The following PHF24 variants were observed in gnomAD, a reference collection of about 807,000 sequenced individuals.
PHF24 encodes Galpha inhibitory interacting protein.
A neutral mutation model predicts 42.6 loss-of-function variants in PHF24; 25 were observed. That is an observed-to-expected ratio of 0.59 (90% confidence interval 0.43 to 0.82). The LOEUF (loss-of-function observed/expected upper bound fraction) is 0.82, where lower values mean the gene tolerates loss of function less well. Among genes scored for constraint, PHF24 ranks in the 40% least tolerant of loss-of-function variants. PHF24 has a pLI of 0.00. For synonymous variants in PHF24, 185 were observed against 204.8 expected, an observed-to-expected ratio of 0.90 and a Z score of 0.83; for missense variants, 470 against 538.1, an observed-to-expected ratio of 0.87 and a Z score of 1.25.
chr9:34,721,767 G>T, the PHF24 span, among the ~76,000 whole-genome samples: 2 of 152,090 alleles, frequency 1.3e-5, no homozygotes, highest in Non-Finnish European at 2.9e-5. Flanking sequence ...ATTCACCTGA[G>T]GCTGCTCCTG....
chr9:34,696,159 C>T, the PHF24 span, among the ~76,000 whole-genome samples: 1 of 151,972 alleles, frequency 6.6e-6, no homozygotes, highest in Admixed American at 6.6e-5. Flanking sequence ...ACCTCACTGG[C>T]CATTTCTGAT....
chr9:34,720,472 C>CA, the PHF24 span, among the ~76,000 whole-genome samples: 1 of 141,388 alleles, frequency 7.1e-6, no homozygotes, highest in Non-Finnish European at 1.5e-5. Context: ...CAAAACAAAA[C>CA]AAAAAACATG....
chr9:34,713,812 C>T, the PHF24 span, among the ~76,000 whole-genome samples: 1 of 152,074 alleles, frequency 6.6e-6, no homozygotes, highest in East Asian at 1.9e-4. Flanking sequence ...CATCTGGTTT[C>T]CAGAGTGCTA....
the PHF24 span, among the ~76,000 whole-genome samples, chr9:34,715,549 C>T: frequency 1.3e-5 from 2 of 152,160 alleles, no homozygotes; most frequent in Non-Finnish European, 2.9e-5. Context: ...TGTGGGTCTC[C>T]ACCTACAGTT....
At chr9:34,936,741 A>C in the PHF24 span, among the ~76,000 whole-genome samples, 5 of 138,814 alleles carry the variant, frequency 3.6e-5, no homozygotes, top group Admixed American at 2.8e-4. Flanking sequence ...GGATGTGAGG[A>C]GCACCTCTGC....
At chr9:34,911,278 A>C in the PHF24 span, among the ~76,000 whole-genome samples, 1 of 151,784 alleles carries the variant, frequency 6.6e-6, no homozygotes, top group South Asian at 2.1e-4. Context: ...CTTTTGAGAC[A>C]GAGTCTCTCT....
the PHF24 span, among the ~76,000 whole-genome samples, chr9:34,754,749 T>TA: frequency 6.6e-6 from 1 of 152,148 alleles, no homozygotes; most frequent in Non-Finnish European, 1.5e-5. Context: ...GAGGTACCTG[T>TA]ACTCCCGTTT....
At chr9:34,846,052 A>T in the PHF24 span, among the ~76,000 whole-genome samples, 2 of 152,144 alleles carry the variant, frequency 1.3e-5, no homozygotes, top group African/African-American at 4.8e-5. Context: ...TAGTGCTGCA[A>T]TAAACATACG....
the PHF24 span, chr9:34,835,286 A>G: frequency 1.3e-6 from 2 of 1,552,010 alleles, no homozygotes. Flanking sequence ...ATTCAGGTTG[A>G]AAGAAACTGG....
chr9:34,700,887 C>T, the PHF24 span, among the ~76,000 whole-genome samples: 1 of 152,222 alleles, frequency 6.6e-6, no homozygotes, highest in South Asian at 2.1e-4. Flanking sequence ...GACACAGGCC[C>T]GGTGTGTGAA....
chr9:34,861,918 A>C, the PHF24 span, among the ~76,000 whole-genome samples: 1 of 152,228 alleles, frequency 6.6e-6, no homozygotes, highest in Non-Finnish European at 1.5e-5. Context: ...GTCTTAGACT[A>C]TTCAGGCTGC....
the PHF24 span, among the ~76,000 whole-genome samples, chr9:34,759,294 A>C: frequency 6.6e-6 from 1 of 152,154 alleles, no homozygotes; most frequent in African/African-American, 2.4e-5. Flanking sequence ...AATCCATAGA[A>C]TTGTTCAAAC....
At chr9:34,740,389 G>T in the PHF24 span, among the ~76,000 whole-genome samples, 1 of 152,368 alleles carries the variant, frequency 6.6e-6, no homozygotes, top group South Asian at 2.1e-4. Flanking sequence ...CTGCGGGAAG[G>T]CAGCTAAGGC....
chr9:34,837,799 T>C, the PHF24 span: 3 of 774,242 alleles, frequency 3.9e-6, no homozygotes, highest in Non-Finnish European at 6.6e-6. Context: ...TTTCTATATA[T>C]CTATCTGTAT....
the PHF24 span, among the ~76,000 whole-genome samples, chr9:34,897,872 T>C: frequency 2.6e-5 from 4 of 152,212 alleles, no homozygotes; most frequent in South Asian, 2.1e-4. Flanking sequence ...ATCATTCTTA[T>C]GCCTTTTCAT....
chr9:34,842,210 T>C, the PHF24 span, among the ~76,000 whole-genome samples: 1 of 152,248 alleles, frequency 6.6e-6, no homozygotes, highest in Non-Finnish European at 1.5e-5. Flanking sequence ...TATGCATATA[T>C]AACAATTTGT....
At chr9:34,941,314 G>A in the PHF24 span, among the ~76,000 whole-genome samples, 2 of 152,198 alleles carry the variant, frequency 1.3e-5, no homozygotes, top group Non-Finnish European at 2.9e-5. Context: ...ATGATGCTAT[G>A]TGTGATGTGG....
chr9:34,879,603 A>T, the PHF24 span, among the ~76,000 whole-genome samples: 1 of 152,250 alleles, frequency 6.6e-6, no homozygotes, highest in African/African-American at 2.4e-5. Context: ...AAAAGGTATC[A>T]GTGATTGAAG....
At chr9:34,938,308 T>A in the PHF24 span, among the ~76,000 whole-genome samples, 1 of 152,232 alleles carries the variant, frequency 6.6e-6, no homozygotes, top group African/African-American at 2.4e-5. Context: ...CCTTCCCTTG[T>A]TACCTCAAGA....
Sources: allele counts gnomAD v4.1 joint callset (sites outside exome capture counted in the v4.1 genomes callset), GRCh38; gene constraint gnomAD v4.1.1; transcripts MANE v1.5; gene names NCBI Gene and HGNC (gene_info 2026-07-23, HGNC 2026-07-21).